EPHA5: variants seen among roughly 807,000 people sequenced by gnomAD.
The protein encoded by EPHA5 is ephrin type-A receptor 5.
A neutral mutation model predicts 105.0 loss-of-function variants in EPHA5; 60 were observed. The observed-to-expected ratio is 0.57, with a 90% CI of 0.46 to 0.71. EPHA5 has a LOEUF of 0.71. Among genes scored for constraint, EPHA5 ranks in the 30% least tolerant of loss-of-function variants. The pLI is 0.00. For synonymous variants in EPHA5, 513 were observed against 449.1 expected, an observed-to-expected ratio of 1.14 and a Z score of -1.80; for missense variants, 1,218 against 1,274.7, an observed-to-expected ratio of 0.96 and a Z score of 0.68.
Position 65,472,420 on chromosome 4 carries a change from G to A in EPHA5, c.1402+17957C>T, listed in dbSNP as rs368451171. Among the ~76,000 whole-genome samples, 21 of 152,316 alleles carry A rather than the reference G, an allele frequency of 1.4e-4. No homozygotes were observed. In the East Asian group the frequency reaches 3.3e-3, roughly 24 times the overall value. ...GCCAGTTCCCCAGTGGGGACACTGT[G>A]TGGGTGCTCCGACCCCACATTTCCC... On this transcript the variant is annotated intron_variant, in intron 5 of 16. Coordinates refer to ENST00000613740, the MANE Select transcript of EPHA5 (RefSeq NM_001281766.3).
In EPHA5 at chr4:65,463,062, G is replaced by C. The variant is rs377093318; in HGVS notation, c.1402+27315C>G. ...TCTGTTTAAAGTATTTTTCAAAAAG[G>C]TAAGTATGTAGTACACTGACATAAG... On this transcript the variant is annotated intron_variant, in intron 5 of 16. Transcript: ENST00000613740. Among the ~76,000 whole-genome samples, 14 of 152,146 alleles carry C rather than the reference G, an allele frequency of 9.2e-5. No homozygotes were observed. The East Asian group carries it at 9.6e-4, about 10-fold the overall frequency.
intron 3 of EPHA5, among the ~76,000 whole-genome samples, chr4:65,582,536 C>CAAATTATCA: frequency 6.7e-6 from 1 of 149,966 alleles, no homozygotes; most frequent in South Asian, 2.1e-4. Context: ...AAATTATGGG[C>CAAATTATCA]AAATTATCAA....
chr4:65,497,473 A>G (rs1732057321), intron 3 of EPHA5, among the ~76,000 whole-genome samples: 1 of 152,220 alleles, frequency 6.6e-6, no homozygotes, highest in East Asian at 1.9e-4. Context: ...TTGTAGTTAA[A>G]TGATTAGGAG....
intron 3 of EPHA5, among the ~76,000 whole-genome samples, chr4:65,508,003 C>A (rs1223278457): frequency 6.6e-6 from 1 of 151,986 alleles, no homozygotes; most frequent in Non-Finnish European, 1.5e-5. Context: ...GACCCTTAGG[C>A]TCTTTTACTT....
intron 2 of EPHA5, among the ~76,000 whole-genome samples, chr4:65,637,376 A>T (rs1355338176): frequency 1.3e-5 from 2 of 151,670 alleles, no homozygotes; most frequent in African/African-American, 4.8e-5. Flanking sequence ...TAAATAAGTC[A>T]AAGAGGAGAA....
intron 3 of EPHA5, among the ~76,000 whole-genome samples, chr4:65,570,243 T>C (rs1347702412): frequency 6.6e-6 from 1 of 151,904 alleles, no homozygotes; most frequent in Non-Finnish European, 1.5e-5. Context: ...CCTGAGGTAA[T>C]TAATACTGTA....
intron 3 of EPHA5, among the ~76,000 whole-genome samples, chr4:65,510,679 T>C (rs1404779185): frequency 6.6e-6 from 1 of 152,172 alleles, no homozygotes; most frequent in Non-Finnish European, 1.5e-5. Context: ...TTACTATGAT[T>C]GATTTGGCAA....
Position 65,426,065 on chromosome 4 carries a change from G to A in EPHA5, c.1403-5500C>T, listed in dbSNP as rs189031728. Among the ~76,000 whole-genome samples the A allele has an allele frequency of 3.9e-3, 595 of 152,172 alleles. 3 individuals are homozygous for A. Among genetic ancestry groups the A allele is most frequent in the African/African-American group, 0.013 (554 of 41,526 alleles). On this transcript the variant is annotated intron_variant, in intron 5 of 16. Coordinates refer to ENST00000613740, the MANE Select transcript of EPHA5 (RefSeq NM_001281766.3). ...CTTCTTTACACCTTCCTGGCCTTCAGGGAGTTTTTCTAAGAACAGCCAGTG... is the reference window on the plus strand; with the variant it reads ...CTTCTTTACACCTTCCTGGCCTTCAAGGAGTTTTTCTAAGAACAGCCAGTG...
chr4:65,524,504 G>C (rs1021024319), intron 3 of EPHA5, among the ~76,000 whole-genome samples: 4 of 151,582 alleles, frequency 2.6e-5, no homozygotes, highest in Non-Finnish European at 5.9e-5. Flanking sequence ...CAAACTATAA[G>C]TTCCTAGAAG....
intron 8 of EPHA5, among the ~76,000 whole-genome samples, chr4:65,381,378 T>G (rs1185654660): frequency 1.3e-5 from 2 of 151,806 alleles, no homozygotes; most frequent in Non-Finnish European, 2.9e-5. Context: ...AGAGACATTG[T>G]GCTGAAATGT....
At chr4:65,400,954 G>T (rs958946629) in intron 8 of EPHA5, among the ~76,000 whole-genome samples, 3 of 151,924 alleles carry the variant, frequency 2.0e-5, no homozygotes, top group African/African-American at 7.3e-5. Flanking sequence ...TTACCTAGGA[G>T]CAAATATCTG....
intron 3 of EPHA5, among the ~76,000 whole-genome samples, chr4:65,576,938 G>A (rs1191836066): frequency 1.3e-5 from 2 of 152,006 alleles, no homozygotes; most frequent in African/African-American, 4.8e-5. Context: ...ATCAGTTTGA[G>A]TGACATTTTC....
intron 1 of EPHA5, among the ~76,000 whole-genome samples, chr4:65,656,482 C>T (rs1225053706): frequency 6.7e-6 from 1 of 150,360 alleles, no homozygotes; most frequent in East Asian, 1.9e-4. Flanking sequence ...TGCATGTTTT[C>T]TTGTGCATAT....
intron 2 of EPHA5, among the ~76,000 whole-genome samples, chr4:65,634,659 C>T (rs1230229047): frequency 6.6e-6 from 1 of 151,932 alleles, no homozygotes; most frequent in Non-Finnish European, 1.5e-5. Flanking sequence ...TTGGCATTTG[C>T]ATTATATATT....
intron 5 of EPHA5, among the ~76,000 whole-genome samples, chr4:65,467,708 A>G (rs542081276): frequency 5.3e-5 from 8 of 152,326 alleles, no homozygotes; most frequent in African/African-American, 1.9e-4. Context: ...TAATTCACAG[A>G]ACATCTGGAT....
chr4:65,567,133 T>C (rs116055938), intron 3 of EPHA5, among the ~76,000 whole-genome samples: 1 of 151,690 alleles, frequency 6.6e-6, no homozygotes, highest in Non-Finnish European at 1.5e-5. Context: ...CAAAAAACAA[T>C]CTTTAAGTTC....
At chr4:65,605,934 A>G (rs544897722) in intron 2 of EPHA5, among the ~76,000 whole-genome samples, 1 of 152,236 alleles carries the variant, frequency 6.6e-6, no homozygotes, top group South Asian at 2.1e-4. Flanking sequence ...AGCCAGTCCT[A>G]TTGTTCATTT....
chr4:65,514,350 A>G (rs904139219), intron 3 of EPHA5, among the ~76,000 whole-genome samples: 5 of 152,184 alleles, frequency 3.3e-5, no homozygotes, highest in Admixed American at 3.3e-4. Context: ...ATGCAACTCC[A>G]TGTAAAAAGT....
Position 65,622,946 on chromosome 4 carries a change from G to A in EPHA5, c.246+20417C>T, listed in dbSNP as rs113101764. On this transcript the variant is annotated intron_variant, in intron 2 of 16. Transcript: ENST00000613740. ...AAGAGACTCAGCAAGGCTGAGAACT[G>A]TTAAGCCAGTGTATTAACATTAAAG... Among the ~76,000 whole-genome samples the A allele has an allele frequency of 6.1e-3, 924 of 152,224 alleles. 1 individual carries two copies. Among genetic ancestry groups the A allele is most frequent in the Admixed American group, 0.01 (154 of 15,290 alleles).
Sources: allele counts gnomAD v4.1 joint callset (sites outside exome capture counted in the v4.1 genomes callset), GRCh38; gene constraint gnomAD v4.1.1; transcripts MANE v1.5; gene names NCBI Gene and HGNC (gene_info 2026-07-23, HGNC 2026-07-21).